Variants in SLIT2 observed in about 807,000 individuals in gnomAD.
The protein encoded by SLIT2 is slit homolog 2 protein.
SLIT2 carries 41 observed loss-of-function variants against 185.7 expected under a neutral mutation model. That is an observed-to-expected ratio of 0.22 (90% CI 0.17 to 0.29). The LOEUF (loss-of-function observed/expected upper bound fraction) is 0.29, where lower values mean the gene tolerates loss of function less well. SLIT2 is among the 10% of genes least tolerant of loss of function. The pLI is 1.00. For synonymous variants in SLIT2, 693 were observed against 680.2 expected (o/e 1.02, Z -0.29); for missense variants, 1,571 against 1,909.0 (o/e 0.82, Z 3.30).
At chr4:20,589,134 G>A (rs185241080) in intron 29 of SLIT2, among the ~76,000 whole-genome samples, 30 of 152,228 alleles carry the variant, frequency 2.0e-4, no homozygotes, top group Admixed American at 3.9e-4. Flanking sequence ...CTCAAAAACA[G>A]TCACAGCTAG....
intron 29 of SLIT2, among the ~76,000 whole-genome samples, chr4:20,579,139 C>CA (rs562411981): frequency 0.048 from 6,876 of 144,536 alleles, 189 homozygotes; most frequent in Non-Finnish European, 0.068. Flanking sequence ...ACTGAAAATA[C>CA]AAAAAAAAAA....
At chr4:20,438,161 G>A (rs1729485148) in intron 4 of SLIT2, among the ~76,000 whole-genome samples, 1 of 152,092 alleles carries the variant, frequency 6.6e-6, no homozygotes, top group Non-Finnish European at 1.5e-5. Context: ...TCTCCAAACA[G>A]TATCCAGGGT....
At chr4:20,441,685 C>T (rs1000824811) in intron 4 of SLIT2, among the ~76,000 whole-genome samples, 21 of 152,186 alleles carry the variant, frequency 1.4e-4, no homozygotes, top group Admixed American at 1.3e-4. Context: ...GGGGTTTGCT[C>T]GGAAACAGTC....
chr4:20,463,731 C>T (rs1437537533), intron 4 of SLIT2, among the ~76,000 whole-genome samples: 1 of 150,720 alleles, frequency 6.6e-6, no homozygotes, highest in Non-Finnish European at 1.5e-5. Flanking sequence ...AAAAAATTAG[C>T]CGGGCTTGGT....
chr4:20,510,224 T>G (rs568248431), intron 9 of SLIT2, among the ~76,000 whole-genome samples: 4 of 152,314 alleles, frequency 2.6e-5, no homozygotes, highest in African/African-American at 9.6e-5. Flanking sequence ...GTATTATTTC[T>G]TTTGTACAAA....
Position 20,264,981 on chromosome 4 carries a change from T to A in SLIT2, c.324-3829T>A, listed in dbSNP as rs542264022. ...TGAGTGTCTGTGCTCTCAACAATGA[T>A]AATTGACTCACCTGGTCTGTTTAAC... On this transcript the variant is annotated intron_variant, in intron 3 of 36. Transcript: ENST00000504154. Among the ~76,000 whole-genome samples, 9 of 152,066 alleles carry A rather than the reference T, an allele frequency of 5.9e-5. No homozygotes were observed. In the East Asian group the frequency reaches 1.6e-3, roughly 26 times the overall value.
At position 20,380,825 on chromosome 4, in the gene SLIT2, G is replaced by A. The variant is rs549679593; in HGVS notation, c.396-86927G>A. Reference sequence around the variant, plus strand: ...AGTTGAGGTTCCAGGAAATAAGGGGGACAAGCAGAAAAATAATAAAATACG... The same window carrying A: ...AGTTGAGGTTCCAGGAAATAAGGGGAACAAGCAGAAAAATAATAAAATACG... On this transcript the variant is annotated intron_variant, in intron 4 of 36. Coordinates refer to ENST00000504154, the MANE Select transcript of SLIT2 (RefSeq NM_004787.4). Among the ~76,000 whole-genome samples, 3 of 152,014 alleles carry A rather than the reference G, an allele frequency of 2.0e-5. No homozygotes were observed. The South Asian group carries it at 6.2e-4, about 32-fold the overall frequency.
rs967819698 is a variant in SLIT2, at chr4:20,339,402, T to C, written c.395+70521T>C. On this transcript the variant is annotated intron_variant, in intron 4 of 36. Transcript: ENST00000504154. The stretch of plus-strand genomic sequence containing the variant: ...AACACACTCCCTGCTTTCCAGATAC[T>C]CAGAATTTAATTTCAAGAAAGGCAC... Among the ~76,000 whole-genome samples the C allele has an allele frequency of 4.6e-5, 7 of 152,058 alleles. No individual in the cohort carries two copies. In the South Asian group the frequency reaches 1.5e-3, roughly 32 times the overall value.
chr4:20,486,999 G>GA (rs892516046), intron 7 of SLIT2, among the ~76,000 whole-genome samples: 63 of 151,286 alleles, frequency 4.2e-4, no homozygotes, highest in African/African-American at 7.0e-4. Flanking sequence ...CAAACTTCTT[G>GA]AAAAAAAAGT....
At chr4:20,569,872 G>A (rs1016538244) in intron 29 of SLIT2, among the ~76,000 whole-genome samples, 1 of 151,972 alleles carries the variant, frequency 6.6e-6, no homozygotes, top group Non-Finnish European at 1.5e-5. Context: ...AATACATAGC[G>A]AGAAAATCAA....
At chr4:20,398,289 G>T (rs1726076408) in intron 4 of SLIT2, among the ~76,000 whole-genome samples, 1 of 151,804 alleles carries the variant, frequency 6.6e-6, no homozygotes, top group African/African-American at 2.4e-5. Context: ...GTTCTCTGCA[G>T]AGGCAAAATG....
intron 27 of SLIT2, 42 bp from the exon 28 acceptor site, chr4:20,567,476 A>G (rs2290750): frequency 0.34 from 546,322 of 1,608,580 alleles, 96,662 homozygotes; most frequent in African/African-American, 0.54. Context: ...TGTATGTGCC[A>G]AGAACTACTT....
intron 4 of SLIT2, among the ~76,000 whole-genome samples, chr4:20,362,480 T>C (rs965560399): frequency 6.6e-6 from 1 of 152,120 alleles, no homozygotes; most frequent in Non-Finnish European, 1.5e-5. Context: ...GCTTTATGAA[T>C]TGTTACAATT....
chr4:20,300,534 A>G (rs550134086), intron 4 of SLIT2, among the ~76,000 whole-genome samples: 6 of 152,240 alleles, frequency 3.9e-5, no homozygotes, highest in East Asian at 3.9e-4. Flanking sequence ...CTACGTATCT[A>G]TATATCCTAA....
At chr4:20,591,332 G>A (rs1253708278) in intron 30 of SLIT2, among the ~76,000 whole-genome samples, 1 of 152,148 alleles carries the variant, frequency 6.6e-6, no homozygotes, top group Non-Finnish European at 1.5e-5. Flanking sequence ...TCGGGTGGGA[G>A]AGTGGGGTCA....
At chr4:20,299,070 A>G (rs1716790880) in intron 4 of SLIT2, among the ~76,000 whole-genome samples, 1 of 152,172 alleles carries the variant, frequency 6.6e-6, no homozygotes. Flanking sequence ...GTAATTTGAC[A>G]TTTATCTCAG....
At chr4:20,357,148 G>T (rs1005268844) in intron 4 of SLIT2, among the ~76,000 whole-genome samples, 2 of 152,060 alleles carry the variant, frequency 1.3e-5, no homozygotes, top group African/African-American at 4.8e-5. Context: ...GAAATTGTGT[G>T]CTATTCCCAT....
chr4:20,482,489 CGTT>C (rs1157801111), intron 6 of SLIT2, among the ~76,000 whole-genome samples: 1 of 151,912 alleles, frequency 6.6e-6, no homozygotes, highest in Non-Finnish European at 1.5e-5. Flanking sequence ...AAACTAATAT[CGTT>C]GTCTTCAGAA....
chr4:20,254,122 C>T lies in SLIT2; in HGVS notation c.179+128C>T. 2.1e-6 allele frequency: 2 copies of T among 960,014 alleles called. No individual in the cohort carries two copies. Among genetic ancestry groups the T allele is most frequent in the East Asian group, 2.5e-5 (1 of 39,676 alleles). 59.5% of individuals were successfully genotyped at this position (960,014 alleles called of 1,614,324 possible). ...CTCGCTAGCTCTCCCCCATGCACAT[C>T]CTGGGGTTGAGCTCTCCGGGAGGGC... is the stretch of plus-strand genomic sequence containing the variant. On this transcript the variant is annotated intron_variant, in intron 1 of 36. Transcript: ENST00000504154. This position sits in a 1 kb window ranked among gnomAD's most constrained non-coding sequence, Gnocchi z 5.1.
Sources: allele counts gnomAD v4.1 joint callset (sites outside exome capture counted in the v4.1 genomes callset), GRCh38; gene constraint gnomAD v4.1.1; non-coding constraint Gnocchi (gnomAD v3.1); transcripts MANE v1.5; gene names NCBI Gene and HGNC (gene_info 2026-07-23, HGNC 2026-07-21).